Variants in COL22A1 observed in about 807,000 individuals in gnomAD.
COL22A1 encodes collagen type XXII alpha 1 chain.
In COL22A1, 221 loss-of-function variants were observed where a neutral mutation model predicts 248.9. The ratio of observed to expected loss-of-function variants is 0.89; its 90% CI spans 0.80 to 0.99. The LOEUF (loss-of-function observed/expected upper bound fraction) is 0.99. COL22A1 is among the 50% of genes least tolerant of loss of function. The pLI, the probability that COL22A1 is intolerant of heterozygous loss-of-function variation, is 0.00. For missense variants in COL22A1, 2,240 were observed against 2,179.0 expected (o/e 1.03, Z -0.56); for synonymous variants, 891 against 793.4 (o/e 1.12, Z -2.07).
intron 40 of COL22A1, 39 bp downstream of exon 40, chr8:138,679,578 T>A (rs1825806647): frequency 1.3e-6 from 2 of 1,580,990 alleles, no homozygotes; most frequent in Non-Finnish European, 1.7e-6. Context: ...GTCTTGTCCT[T>A]CTGTCTTTTT....
chr8:138,768,302 A>ACGG (rs1834070529), intron 16 of COL22A1, among the ~76,000 whole-genome samples: 1 of 152,122 alleles, frequency 6.6e-6, no homozygotes, highest in African/African-American at 2.4e-5. Context: ...CAGCAGTTGC[A>ACGG]CGGCACTGTT....
At chr8:138,804,873 T>C (rs530139896) in intron 10 of COL22A1, among the ~76,000 whole-genome samples, 3 of 147,312 alleles carry the variant, frequency 2.0e-5, no homozygotes, top group South Asian at 4.4e-4. Flanking sequence ...TGTGTGTGTA[T>C]ATGTGATGTG....
rs767385366 is a variant in COL22A1 at position 138,619,439 on chromosome 8, C to A, written c.3825+16G>T. ...GGGCTTGGTTCTACCGTTCCCCACACACACTACACACTTACAGGTGGGCCT... is the reference window on the plus strand; with the variant it reads ...GGGCTTGGTTCTACCGTTCCCCACAAACACTACACACTTACAGGTGGGCCT... On this transcript the variant is annotated intron_variant, in intron 53 of 64. Transcript: ENST00000303045. The A allele has an allele frequency of 1.9e-6, 3 of 1,613,232 alleles. No homozygotes were observed. Among genetic ancestry groups the A allele is most frequent in the Non-Finnish European group, 2.5e-6 (3 of 1,179,226 alleles).
At chr8:138,668,401 C>T (rs1824695740) in intron 41 of COL22A1, among the ~76,000 whole-genome samples, 1 of 152,114 alleles carries the variant, frequency 6.6e-6, no homozygotes, top group Admixed American at 6.6e-5. Context: ...TATATACACA[C>T]ACACACACAC....
intron 23 of COL22A1, among the ~76,000 whole-genome samples, chr8:138,735,916 C>T (rs934849102): frequency 5.3e-5 from 8 of 152,130 alleles, no homozygotes; most frequent in South Asian, 2.1e-4. Context: ...ACCGCCACCC[C>T]GGGGAATCTG....
intron 1 of COL22A1, among the ~76,000 whole-genome samples, chr8:138,912,441 A>G (rs1344949491): frequency 6.6e-6 from 1 of 152,226 alleles, no homozygotes; most frequent in Non-Finnish European, 1.5e-5. Flanking sequence ...CCACGTAGAC[A>G]TAGGAGTGTC....
intron 52 of COL22A1, among the ~76,000 whole-genome samples, chr8:138,622,373 A>G (rs927919728): frequency 6.6e-6 from 1 of 152,324 alleles, no homozygotes; most frequent in Middle Eastern, 3.4e-3. Flanking sequence ...AAAACCTGGG[A>G]AGGAGTGGGG....
chr8:138,802,756 G>C, intron 11 of COL22A1, 116 bp downstream of exon 11: 2 of 804,460 alleles, frequency 2.5e-6, no homozygotes. Context: ...TGGGAGTAGT[G>C]CCTGGCCCCT....
At chr8:138,781,237 G>A (rs1042775287) in intron 12 of COL22A1, among the ~76,000 whole-genome samples, 3 of 152,198 alleles carry the variant, frequency 2.0e-5, no homozygotes, top group African/African-American at 7.2e-5. Context: ...ACCTGATGTG[G>A]GAGGAAGCAG....
rs547951118 is a variant in COL22A1, at chr8:138,693,528, C to A, written c.2754+118G>T. On this transcript the variant is annotated intron_variant, in intron 35 of 64. Transcript: ENST00000303045. The stretch of plus-strand genomic sequence containing the variant: ...CACCAACCACTCAAGTGTGGGTGAA[C>A]CTTCTGGGCCACGTCCTCCTAGCTA... The A allele has an allele frequency of 8.5e-6, 9 of 1,057,006 alleles. No individual in the cohort carries two copies. In the African/African-American group the frequency reaches 1.1e-4, roughly 13 times the overall value. The allele number at this position is 1,057,006 out of a possible 1,614,324, so 65.5% of individuals were successfully genotyped here.
chr8:138,856,930 T>C (rs1822075048), intron 3 of COL22A1, among the ~76,000 whole-genome samples: 1 of 152,126 alleles, frequency 6.6e-6, no homozygotes, highest in Non-Finnish European at 1.5e-5. Flanking sequence ...CCTTTTGGTG[T>C]GCCTGGGACA....
At chr8:138,632,641 T>C (rs1007897965) in intron 49 of COL22A1, among the ~76,000 whole-genome samples, 7 of 152,330 alleles carry the variant, frequency 4.6e-5, no homozygotes, top group African/African-American at 1.7e-4. Context: ...CATCATGGTC[T>C]TGGATCTCAA....
intron 1 of COL22A1, among the ~76,000 whole-genome samples, chr8:138,886,517 G>T (rs190006457): frequency 6.6e-6 from 1 of 152,162 alleles, no homozygotes; most frequent in Admixed American, 6.5e-5. Context: ...TCAGAGAATC[G>T]AGACTATTGG....
chr8:138,661,445 G>A (rs939971090), intron 43 of COL22A1, among the ~76,000 whole-genome samples: 2 of 152,204 alleles, frequency 1.3e-5, no homozygotes, highest in South Asian at 2.1e-4. Context: ...TTTGGTCAAT[G>A]AGTATGGATC....
At chr8:138,646,703 A>C in intron 46 of COL22A1, 21 bp from the exon 47 acceptor site, 1 of 1,542,632 alleles carries the variant, frequency 6.5e-7, no homozygotes, top group Non-Finnish European at 8.8e-7. Context: ...GATACAAGAA[A>C]AAAAAAGAAA....
chr8:138,904,510 A>G (rs1450819430), intron 1 of COL22A1, among the ~76,000 whole-genome samples: 1 of 152,094 alleles, frequency 6.6e-6, no homozygotes, highest in African/African-American at 2.4e-5. Flanking sequence ...GCAAACCTTA[A>G]CCACTCTTTA....
chr8:138,800,438 G>T (rs2131619992), intron 11 of COL22A1, among the ~76,000 whole-genome samples: 1 of 152,294 alleles, frequency 6.6e-6, no homozygotes, highest in South Asian at 2.1e-4. Flanking sequence ...GATTCACAGA[G>T]TTCCTCATGT....
chr8:138,599,565 T>G (rs1300582820), intron 60 of COL22A1, among the ~76,000 whole-genome samples: 1 of 152,020 alleles, frequency 6.6e-6, no homozygotes, highest in East Asian at 1.9e-4. Flanking sequence ...GCAAAATTTT[T>G]TTTAAAAAAA....
At chr8:138,759,265 C>G (rs373220998) in intron 18 of COL22A1, among the ~76,000 whole-genome samples, 1 of 152,160 alleles carries the variant, frequency 6.6e-6, no homozygotes, top group South Asian at 2.1e-4. Flanking sequence ...GTTGGAGCAG[C>G]CTTCTCCCAT....
Sources: allele counts gnomAD v4.1 joint callset (sites outside exome capture counted in the v4.1 genomes callset), GRCh38; gene constraint gnomAD v4.1.1; transcripts MANE v1.5; gene names NCBI Gene and HGNC (gene_info 2026-07-23, HGNC 2026-07-21).